The following THRB variants were observed in gnomAD, a reference collection of about 807,000 sequenced individuals.
THRB encodes the protein thyroid hormone receptor beta, also known as nuclear receptor subfamily 1 group A member 2.
THRB carries 12 observed loss-of-function variants against 47.8 expected under a neutral mutation model. That is an observed-to-expected ratio of 0.25 (90% CI 0.16 to 0.41). The LOEUF (loss-of-function observed/expected upper bound fraction) is 0.41, where lower values mean the gene tolerates loss of function less well. Among genes scored for constraint, THRB ranks in the 10% least tolerant of loss-of-function variants. THRB has a pLI of 1.00. For missense variants in THRB, 348 were observed against 589.2 expected (o/e 0.59, Z 4.24); for synonymous variants, 218 against 212.2 (o/e 1.03, Z -0.24).
chr3:24,138,187 G>C (rs2034948032), intron 8 of THRB, among the ~76,000 whole-genome samples: 1 of 152,128 alleles, frequency 6.6e-6, no homozygotes, highest in Admixed American at 6.5e-5. Context: ...GGACTTCTTG[G>C]CTTGAAAAGG....
chr3:24,257,598 G>T (rs1399048151), intron 3 of THRB, among the ~76,000 whole-genome samples: 1 of 152,038 alleles, frequency 6.6e-6, no homozygotes, highest in Non-Finnish European at 1.5e-5. Context: ...TAGGATTTTT[G>T]GGCCAAATAG....
chr3:24,391,650 C>T (rs995852251), intron 1 of THRB, among the ~76,000 whole-genome samples: 2 of 152,040 alleles, frequency 1.3e-5, no homozygotes, highest in African/African-American at 2.4e-5. Context: ...AAATTCCAAA[C>T]CTAATTAATT....
rs4858609 is a variant in THRB at position 24,391,070 on chromosome 3, C to A, written c.-260-53699G>T. 7.6e-3 allele frequency among the ~76,000 whole-genome samples: 1,163 copies of A among 152,150 alleles called. 18 individuals are homozygous for A. Among genetic ancestry groups the A allele is most frequent in the African/African-American group, 0.027 (1,106 of 41,522 alleles). On this transcript the variant is annotated intron_variant, in intron 1 of 10. Coordinates refer to ENST00000646209, the MANE Select transcript of THRB (RefSeq NM_001354712.2). ...GCACTGTGCAGTCTGGCAGAAGGAG[C>A]AGTGGTGCCCTTGGGACAGGTGAGC...
intron 3 of THRB, among the ~76,000 whole-genome samples, chr3:24,272,190 T>C (rs550646430): frequency 2.0e-5 from 3 of 152,036 alleles, no homozygotes; most frequent in Admixed American, 6.6e-5. Context: ...AATAATAATT[T>C]TAAAAATTAG....
chr3:24,391,370 A>C (rs1251028152), intron 1 of THRB, among the ~76,000 whole-genome samples: 1 of 152,144 alleles, frequency 6.6e-6, no homozygotes, highest in Non-Finnish European at 1.5e-5. Context: ...CTGTCATCCC[A>C]CATTTGTGGC....
Position 24,417,095 on chromosome 3 carries a change from A to AAC in THRB, c.-261+77555_-261+77556dup, listed in dbSNP as rs67541584. Among the ~76,000 whole-genome samples the AAC allele has an allele frequency of 7.4e-3, 1,008 of 135,650 alleles. 12 individuals carry two copies. The highest frequency in any genetic ancestry group is 0.023 in the African/African-American group (846 of 37,518). The allele number at this position is 135,650 out of a possible 152,430, so 89.0% of individuals were successfully genotyped here. A position where few individuals can be genotyped will look rare whatever the true frequency, so the allele number is the denominator to read the frequency against. On this transcript the variant is annotated intron_variant, in intron 1 of 10. Transcript: ENST00000646209. ...CCATTGACTCATGAAATTTTAAACC[A>AAC]ACACACACACACACACACACACACA...
intron 1 of THRB, among the ~76,000 whole-genome samples, chr3:24,370,104 C>T (rs995808860): frequency 8.5e-5 from 13 of 152,104 alleles, no homozygotes; most frequent in Non-Finnish European, 1.3e-4. Flanking sequence ...CTTAAATCAA[C>T]ACAACACATT....
At chr3:24,442,443 T>C (rs1029271052) in intron 1 of THRB, among the ~76,000 whole-genome samples, 1 of 152,204 alleles carries the variant, frequency 6.6e-6, no homozygotes, top group Non-Finnish European at 1.5e-5. Context: ...CACTTACTAC[T>C]CTTGTAAGGG....
chr3:24,441,518 G>A (rs190940700), intron 1 of THRB, among the ~76,000 whole-genome samples: 17 of 152,318 alleles, frequency 1.1e-4, no homozygotes, highest in South Asian at 4.1e-4. Context: ...CTTTGGGGAG[G>A]TACAAGAAAA....
intron 4 of THRB, among the ~76,000 whole-genome samples, chr3:24,190,809 G>C (rs1433548564): frequency 1.3e-5 from 2 of 151,088 alleles, no homozygotes; most frequent in Non-Finnish European, 3.0e-5. Context: ...TACTTAAGTG[G>C]GACGTGCTCA....
At chr3:24,166,299 A>G (rs1421225252) in intron 5 of THRB, among the ~76,000 whole-genome samples, 3 of 152,206 alleles carry the variant, frequency 2.0e-5, no homozygotes, top group East Asian at 1.9e-4. Flanking sequence ...GAATACCCCT[A>G]TTATATAGCA....
rs78815144 is a variant in THRB, at chr3:24,292,560, C to T, written c.-43+4666G>A. On this transcript the variant is annotated intron_variant, in intron 3 of 10. Transcript: ENST00000646209. The stretch of plus-strand genomic sequence containing the variant: ...CTGTGTGCATCACCTTGTTTCAAGC[C>T]CTTCTCCCTGGCTCGACGTTAAGCT... Among the ~76,000 whole-genome samples, 293 of 152,170 alleles carry T rather than the reference C, an allele frequency of 1.9e-3. 3 individuals are homozygous for T. The highest frequency in any genetic ancestry group is 2.0e-3 in the Non-Finnish European group (135 of 68,012).
intron 1 of THRB, among the ~76,000 whole-genome samples, chr3:24,421,742 AATG>A (rs1475299441): frequency 6.6e-6 from 1 of 151,946 alleles, no homozygotes; most frequent in Non-Finnish European, 1.5e-5. Context: ...TACAACATAA[AATG>A]ATGATGATGC....
chr3:24,307,755 C>T (rs542087617), intron 2 of THRB, among the ~76,000 whole-genome samples: 3 of 152,192 alleles, frequency 2.0e-5, no homozygotes, highest in African/African-American at 7.2e-5. Flanking sequence ...TGTTCCAAAC[C>T]ATTTGCTTAA....
At position 24,152,385 on chromosome 3, in the gene THRB, A is replaced by G. The variant is rs1326578345; in HGVS notation, c.384+5T>C. The G allele has an allele frequency of 2.5e-6, 4 of 1,592,374 alleles. No individual in the cohort carries two copies. Among genetic ancestry groups the G allele is most frequent in the Non-Finnish European group, 3.4e-6 (4 of 1,160,480 alleles). ...GCTCTGTGCTTGTGGACCCAGGGCA[A>G]TTACCTTGCAGCCTTCACACGTGAT... is the stretch of plus-strand genomic sequence containing the variant. On this transcript the variant is annotated splice_donor_5th_base_variant and intron_variant, in intron 6 of 10. Transcript: ENST00000646209.
At chr3:24,180,650 G>T (rs1193651542) in intron 5 of THRB, among the ~76,000 whole-genome samples, 1 of 152,158 alleles carries the variant, frequency 6.6e-6, no homozygotes, top group East Asian at 1.9e-4. Context: ...GTGGATAGAG[G>T]CTCATATTTA....
intron 4 of THRB, among the ~76,000 whole-genome samples, chr3:24,227,746 A>G (rs183555201): frequency 1.6e-4 from 24 of 152,282 alleles, no homozygotes; most frequent in African/African-American, 5.8e-4. Context: ...CTACATGTTT[A>G]GCTTATCATA....
intron 1 of THRB, among the ~76,000 whole-genome samples, chr3:24,461,933 T>C (rs1399507260): frequency 2.6e-5 from 4 of 152,142 alleles, no homozygotes; most frequent in African/African-American, 9.7e-5. Context: ...TAAAGAATAA[T>C]ATTCAATGAC....
intron 2 of THRB, among the ~76,000 whole-genome samples, chr3:24,299,773 A>ATTTTTT (rs1559869623): frequency 1.4e-5 from 1 of 70,324 alleles, no homozygotes; most frequent in African/African-American, 5.9e-5. Context: ...ATGCTTTTTT[A>ATTTTTT]TTTATTTATT....
Sources: allele counts gnomAD v4.1 joint callset (sites outside exome capture counted in the v4.1 genomes callset), GRCh38; gene constraint gnomAD v4.1.1; transcripts MANE v1.5; gene names NCBI Gene and HGNC (gene_info 2026-07-23, HGNC 2026-07-21).